SPATA16: variants seen among roughly 807,000 people sequenced by gnomAD.
The protein encoded by SPATA16 is spermatogenesis associated 16.
Under a neutral mutation model 63.3 loss-of-function variants are expected in SPATA16, and 36 were observed. The ratio of observed to expected loss-of-function variants is 0.57; its 90% CI spans 0.44 to 0.75. The LOEUF is 0.75. Among genes scored for constraint, SPATA16 ranks in the 30% least tolerant of loss-of-function variants. SPATA16 has a pLI of 0.00. For synonymous variants in SPATA16, 203 were observed against 216.7 expected (o/e 0.94, Z 0.56); for missense variants, 646 against 679.3 (o/e 0.95, Z 0.54).
chr3:173,087,500 T>C (rs1577167584), intron 2 of SPATA16, among the ~76,000 whole-genome samples: 1 of 152,228 alleles, frequency 6.6e-6, no homozygotes, highest in South Asian at 2.1e-4. Context: ...TGTCTTTTAA[T>C]TGGCACATTT....
intron 1 of SPATA16, among the ~76,000 whole-genome samples, chr3:173,125,279 A>G (rs552124206): frequency 2.0e-5 from 3 of 152,178 alleles, no homozygotes; most frequent in East Asian, 1.9e-4. Flanking sequence ...GCCTCTTTCC[A>G]TATGTATGAT....
chr3:173,111,035 G>A (rs768111095), intron 2 of SPATA16, among the ~76,000 whole-genome samples: 2 of 152,208 alleles, frequency 1.3e-5, no homozygotes, highest in Non-Finnish European at 2.9e-5. Context: ...AGTATGAAAA[G>A]CAGGAGTGTA....
intron 4 of SPATA16, among the ~76,000 whole-genome samples, chr3:172,979,133 A>G (rs1734237634): frequency 6.6e-6 from 1 of 152,166 alleles, no homozygotes; most frequent in South Asian, 2.1e-4. Context: ...GCTACTCGGG[A>G]GGCTGAGGCA....
chr3:172,962,851 A>C (rs1451513150), intron 5 of SPATA16, among the ~76,000 whole-genome samples: 1 of 152,162 alleles, frequency 6.6e-6, no homozygotes, highest in African/African-American at 2.4e-5. Flanking sequence ...TGATGATAAT[A>C]ATTTTCTAGA....
intron 5 of SPATA16, among the ~76,000 whole-genome samples, chr3:172,965,886 T>C (rs1733909155): frequency 6.6e-6 from 1 of 152,202 alleles, no homozygotes. Context: ...TTTTCTTTAT[T>C]ATTTCTTTAA....
At chr3:173,015,864 G>A (rs1281153382) in intron 4 of SPATA16, among the ~76,000 whole-genome samples, 1 of 9,312 alleles carries the variant, frequency 1.1e-4, no homozygotes, top group East Asian at 8.2e-3. Flanking sequence ...CAAATGGGGT[G>A]TGTGTGTGTG....
At chr3:173,031,202 TGG>T (rs771798774) in intron 3 of SPATA16, among the ~76,000 whole-genome samples, 84 of 152,162 alleles carry the variant, frequency 5.5e-4, no homozygotes, top group Admixed American at 1.5e-3. Context: ...CACTTAACAC[TGG>T]GTAAGATCGT....
chr3:173,001,671 T>C (rs567425436), intron 4 of SPATA16, among the ~76,000 whole-genome samples: 4 of 152,312 alleles, frequency 2.6e-5, no homozygotes, highest in African/African-American at 7.2e-5. Flanking sequence ...CCTGATGAGG[T>C]TTCCACTCAG....
chr3:172,901,242 C>G (rs551555309), intron 10 of SPATA16, among the ~76,000 whole-genome samples: 1 of 152,264 alleles, frequency 6.6e-6, no homozygotes, highest in African/African-American at 2.4e-5. Flanking sequence ...CTCTATTGCC[C>G]AGGCTGGAGT....
chr3:173,130,029 C>A (rs1008921919), intron 1 of SPATA16, among the ~76,000 whole-genome samples: 2 of 152,102 alleles, frequency 1.3e-5, no homozygotes, highest in South Asian at 2.1e-4. Flanking sequence ...TGTAAAGTAT[C>A]TTTTGGAGTA....
chr3:173,116,272 A>T (rs1017984563), intron 2 of SPATA16, among the ~76,000 whole-genome samples: 5 of 152,084 alleles, frequency 3.3e-5, no homozygotes, highest in Non-Finnish European at 5.9e-5. Flanking sequence ...GTCTTCATTC[A>T]TTTCTTTTTA....
chr3:173,041,357 GAAGT>G (rs1007283422), intron 3 of SPATA16, among the ~76,000 whole-genome samples: 2 of 152,124 alleles, frequency 1.3e-5, no homozygotes, highest in African/African-American at 4.8e-5. Flanking sequence ...ATCACAGAAG[GAAGT>G]AAGTAGGAAG....
chr3:173,137,870 CACAG>C (rs71905236), intron 1 of SPATA16, among the ~76,000 whole-genome samples: 1,509 of 148,238 alleles, frequency 0.01, 12 homozygotes, highest in Non-Finnish European at 0.016. Flanking sequence ...CACACACACA[CACAG>C]ACACACACAC....
At chr3:173,011,879 T>G (rs890310038) in intron 4 of SPATA16, among the ~76,000 whole-genome samples, 3 of 152,216 alleles carry the variant, frequency 2.0e-5, no homozygotes, top group African/African-American at 7.2e-5. Flanking sequence ...AGTGGCATGA[T>G]CATAGTTCAT....
chr3:173,072,753 A>G (rs1295236090), intron 2 of SPATA16, among the ~76,000 whole-genome samples: 1 of 152,234 alleles, frequency 6.6e-6, no homozygotes, highest in African/African-American at 2.4e-5. Context: ...CTAATACAGT[A>G]AATTGGCACT....
intron 6 of SPATA16, among the ~76,000 whole-genome samples, chr3:172,925,834 C>CT (rs924896222): frequency 6.6e-5 from 10 of 150,980 alleles, no homozygotes; most frequent in African/African-American, 1.7e-4. Flanking sequence ...TTCGATTTTT[C>CT]TTTTTTTTTA....
intron 2 of SPATA16, among the ~76,000 whole-genome samples, chr3:173,089,807 A>G (rs1214245276): frequency 1.3e-5 from 2 of 152,184 alleles, no homozygotes; most frequent in African/African-American, 4.8e-5. Context: ...CTGCGGAAGC[A>G]CTACTCCTCC....
At chr3:172,913,519 A>G in intron 10 of SPATA16, 142 bp downstream of exon 10, 1 of 725,250 alleles carries the variant, frequency 1.4e-6, no homozygotes, top group East Asian at 2.7e-5. Context: ...TTCCAGGGAG[A>G]GAGCTGCATT....
chr3:173,079,177 A>T (rs1736873435), intron 2 of SPATA16, among the ~76,000 whole-genome samples: 1 of 152,206 alleles, frequency 6.6e-6, no homozygotes, highest in Non-Finnish European at 1.5e-5. Flanking sequence ...CAGTGAGTTG[A>T]TATAGATAGG....
Sources: gnomAD v4.1 joint callset for allele counts (sites outside exome capture counted in the v4.1 genomes callset) on GRCh38, gnomAD v4.1.1 for gene constraint, MANE v1.5 for transcripts, NCBI Gene and HGNC (gene_info 2026-07-23, HGNC 2026-07-21) for gene names.